The following SHB variants were observed in gnomAD, a reference collection of about 807,000 sequenced individuals.
SHB encodes SH2 domain containing adaptor protein B.
Under a neutral mutation model 52.3 loss-of-function variants are expected in SHB, and 20 were observed. The observed-to-expected ratio is 0.38, with a 90% CI of 0.27 to 0.56. The LOEUF (loss-of-function observed/expected upper bound fraction) is 0.56, where lower values mean the gene tolerates loss of function less well. Ranked by LOEUF, SHB falls within the 20% of genes least tolerant of loss-of-function variation. SHB has a pLI of 0.71. For missense variants in SHB, 825 were observed against 723.3 expected (o/e 1.14, Z -1.61); for synonymous variants, 397 against 316.5 (o/e 1.25, Z -2.70).
At chr9:38,015,233 C>A (rs965800109) in intron 2 of SHB, 63 of 592,454 alleles carry the variant, frequency 1.1e-4, no homozygotes, top group Non-Finnish European at 1.7e-4. Context: ...GGAGAAGCCA[C>A]AACAGGGGTT....
At position 38,040,979 on chromosome 9, in the gene SHB, C is replaced by T. The variant is rs112189339; in HGVS notation, c.718-24848G>A. 3.5e-3 allele frequency among the ~76,000 whole-genome samples: 528 copies of T among 152,006 alleles called. 4 individuals carry two copies. Among genetic ancestry groups the T allele is most frequent in the African/African-American group, 0.01 (418 of 41,436 alleles). ...GGGGTGGAAGATACTGCCCCAGGGACGCTTAGAGTTAACTTCCACAGGACT... is the reference window on the plus strand; with the variant it reads ...GGGGTGGAAGATACTGCCCCAGGGATGCTTAGAGTTAACTTCCACAGGACT... On this transcript the variant is annotated intron_variant, in intron 1 of 5. Coordinates refer to ENST00000377707, the MANE Select transcript of SHB (RefSeq NM_003028.3).
In SHB at chr9:37,941,818, C is replaced by T. The variant is rs578166585; in HGVS notation, c.1346+6817G>A. Among the ~76,000 whole-genome samples, 17 of 152,260 alleles carry T rather than the reference C, an allele frequency of 1.1e-4. No homozygotes were observed. The South Asian group carries it at 3.1e-3, about 28-fold the overall frequency. On this transcript the variant is annotated intron_variant, in intron 5 of 5. Transcript: ENST00000377707. Reference sequence around the variant, plus strand: ...CACACATGGGAGCAAGCAACCACCACGGAGCTAGGTGTCTGGAGTCTCAGA... The same window carrying T: ...CACACATGGGAGCAAGCAACCACCATGGAGCTAGGTGTCTGGAGTCTCAGA...
chr9:38,036,815 T>C (rs1254218766), intron 1 of SHB, among the ~76,000 whole-genome samples: 1 of 152,146 alleles, frequency 6.6e-6, no homozygotes, highest in African/African-American at 2.4e-5. Context: ...ACAACATCCC[T>C]ATGGATTTGA....
intron 2 of SHB, among the ~76,000 whole-genome samples, chr9:37,989,044 T>C (rs1820846674): frequency 6.7e-6 from 1 of 150,174 alleles, no homozygotes; most frequent in African/African-American, 2.5e-5. Flanking sequence ...ATGATCCATT[T>C]TTTTTTTTAT....
At chr9:37,921,852 T>C (rs1832184333) in intron 5 of SHB, among the ~76,000 whole-genome samples, 1 of 152,366 alleles carries the variant, frequency 6.6e-6, no homozygotes, top group African/African-American at 2.4e-5. Flanking sequence ...AGGGCTGTGA[T>C]TGCTTAAGTA....
At chr9:37,979,880 T>A (rs915432467) in intron 2 of SHB, among the ~76,000 whole-genome samples, 2 of 152,236 alleles carry the variant, frequency 1.3e-5, no homozygotes, top group Non-Finnish European at 2.9e-5. Context: ...ATATTTATAT[T>A]ATACTGTAGT....
At chr9:38,020,419 C>T (rs1428240630) in intron 1 of SHB, among the ~76,000 whole-genome samples, 1 of 152,240 alleles carries the variant, frequency 6.6e-6, no homozygotes, top group East Asian at 1.9e-4. Context: ...CCCTTCCCCA[C>T]CAGTCTAGAG....
intron 1 of SHB, among the ~76,000 whole-genome samples, chr9:38,064,101 T>C (rs907009684): frequency 2.6e-5 from 4 of 152,128 alleles, no homozygotes; most frequent in Non-Finnish European, 4.4e-5. Context: ...CATTTTTTTT[T>C]TTTTTCATAA....
intron 1 of SHB, among the ~76,000 whole-genome samples, chr9:38,019,986 AACT>A (rs1339341017): frequency 1.3e-5 from 2 of 152,350 alleles, no homozygotes; most frequent in Admixed American, 6.5e-5. Flanking sequence ...GTAGAATGAT[AACT>A]ACAACATCAT....
intron 5 of SHB, among the ~76,000 whole-genome samples, chr9:37,925,526 A>T (rs1167008407): frequency 6.6e-6 from 1 of 152,246 alleles, no homozygotes; most frequent in Non-Finnish European, 1.5e-5. Flanking sequence ...GAGGCCACTC[A>T]GCCGCCCAGT....
At chr9:37,988,388 C>G (rs138610609) in intron 2 of SHB, among the ~76,000 whole-genome samples, 1 of 152,166 alleles carries the variant, frequency 6.6e-6, no homozygotes, top group East Asian at 1.9e-4. Flanking sequence ...GTTTCTCAGT[C>G]TGCTTCTACA....
chr9:37,979,074 A>C (rs1378127384), intron 2 of SHB, among the ~76,000 whole-genome samples: 1 of 152,170 alleles, frequency 6.6e-6, no homozygotes, highest in Non-Finnish European at 1.5e-5. Flanking sequence ...CTCCTGCCTA[A>C]CTACCAGGCC....
intron 1 of SHB, among the ~76,000 whole-genome samples, chr9:38,055,986 C>G (rs769948659): frequency 1.1e-4 from 16 of 152,112 alleles, no homozygotes; most frequent in Non-Finnish European, 2.1e-4. Flanking sequence ...CTAGTTAATA[C>G]CTAGTTACTT....
chr9:38,044,646 C>T (rs988959497), intron 1 of SHB, among the ~76,000 whole-genome samples: 2 of 152,248 alleles, frequency 1.3e-5, no homozygotes, highest in Non-Finnish European at 2.9e-5. Flanking sequence ...TGCATGAGGC[C>T]ACTAGAAGCC....
At position 38,034,213 on chromosome 9, in the gene SHB, G is replaced by A. The variant is rs566870851; in HGVS notation, c.718-18082C>T. Among the ~76,000 whole-genome samples the A allele has an allele frequency of 1.6e-4, 24 of 152,306 alleles. No individual in the cohort carries two copies. In the South Asian group the frequency reaches 1.9e-3, roughly 12 times the overall value. ...AAAACCAACTGCAGGTAGACAGGAG[G>A]AAGAAATAATGTAATAACTTGCCAC... On this transcript the variant is annotated intron_variant, in intron 1 of 5. Transcript: ENST00000377707.
chr9:37,958,987 C>G (rs897563517), intron 3 of SHB, among the ~76,000 whole-genome samples: 2 of 152,178 alleles, frequency 1.3e-5, no homozygotes, highest in African/African-American at 4.8e-5. Context: ...GGGGCCATGT[C>G]ATCCTGGAGC....
chr9:37,977,273 G>T (rs1315212717), intron 2 of SHB, among the ~76,000 whole-genome samples: 1 of 152,196 alleles, frequency 6.6e-6, no homozygotes, highest in Non-Finnish European at 1.5e-5. Context: ...GGGAAGCTGA[G>T]CGTGGGGCTT....
intron 4 of SHB, among the ~76,000 whole-genome samples, chr9:37,953,373 G>C (rs1472939853): frequency 6.6e-6 from 1 of 152,110 alleles, no homozygotes; most frequent in Non-Finnish European, 1.5e-5. Context: ...CTGCCCTCAT[G>C]GAGTTTCTGT....
chr9:38,019,259 G>C (rs2118084917), intron 1 of SHB, among the ~76,000 whole-genome samples: 1 of 152,324 alleles, frequency 6.6e-6, no homozygotes, highest in Admixed American at 6.5e-5. Flanking sequence ...CAAAACTACA[G>C]ACCCCAGGTC....
Sources: gnomAD v4.1 joint callset for allele counts (sites outside exome capture counted in the v4.1 genomes callset) on GRCh38, gnomAD v4.1.1 for gene constraint, MANE v1.5 for transcripts, NCBI Gene and HGNC (gene_info 2026-07-23, HGNC 2026-07-21) for gene names.